Variants in MLLT3 observed in about 807,000 individuals in gnomAD.
MLLT3 encodes MLLT3 super elongation complex subunit.
A neutral mutation model predicts 53.2 loss-of-function variants in MLLT3; 4 were observed. The observed-to-expected ratio is 0.08, with a 90% CI of 0.04 to 0.17. MLLT3 has a LOEUF of 0.17. MLLT3 is among the 10% of genes least tolerant of loss of function. The probability of loss-of-function intolerance (pLI) is 1.00; values close to 1 mark genes in which losing one functional copy is unlikely to be tolerated. For missense variants in MLLT3, 569 were observed against 684.0 expected (o/e 0.83, Z 1.87); for synonymous variants, 283 against 230.6 (o/e 1.23, Z -2.06).
intron 2 of MLLT3, among the ~76,000 whole-genome samples, chr9:20,575,984 G>A (rs140057258): frequency 1.7e-4 from 26 of 152,260 alleles, no homozygotes; most frequent in East Asian, 1.5e-3. Context: ...ATCGAAGGCC[G>A]TTTCACCTAC....
intron 2 of MLLT3, among the ~76,000 whole-genome samples, chr9:20,486,303 C>T (rs1461587994): frequency 2.0e-5 from 3 of 151,906 alleles, no homozygotes; most frequent in African/African-American, 7.3e-5. Context: ...CAAAGGGCCC[C>T]ATTTATAAAA....
chr9:20,507,647 C>A (rs1825414809), intron 2 of MLLT3, among the ~76,000 whole-genome samples: 1 of 147,732 alleles, frequency 6.8e-6, no homozygotes, highest in Non-Finnish European at 1.5e-5. Flanking sequence ...CCCATGCATG[C>A]AAGAATTTGC....
intron 3 of MLLT3, among the ~76,000 whole-genome samples, chr9:20,455,125 T>C (rs1823927145): frequency 6.6e-6 from 1 of 152,254 alleles, no homozygotes; most frequent in African/African-American, 2.4e-5. Context: ...CACTTCAATA[T>C]GAAAGTATAT....
Position 20,403,042 on chromosome 9 carries a change from T to C in MLLT3, c.1125+10679A>G, listed in dbSNP as rs1318669970. ...AGAGTTTGGGAAAGTGAGTGAAGGATGTGCGAATCACTGCAAACTGGAAAT... is the reference window on the plus strand; with the variant it reads ...AGAGTTTGGGAAAGTGAGTGAAGGACGTGCGAATCACTGCAAACTGGAAAT... On this transcript the variant is annotated intron_variant, in intron 5 of 10. Coordinates refer to ENST00000380338, the MANE Select transcript of MLLT3 (RefSeq NM_004529.4). Among the ~76,000 whole-genome samples, 5 of 151,964 alleles carry C rather than the reference T, an allele frequency of 3.3e-5. 1 individual carries two copies. The highest frequency in any genetic ancestry group is 1.2e-4 in the African/African-American group (5 of 41,340).
intron 4 of MLLT3, among the ~76,000 whole-genome samples, chr9:20,424,241 G>T (rs944817365): frequency 1.3e-5 from 2 of 152,068 alleles, no homozygotes; most frequent in African/African-American, 4.8e-5. Flanking sequence ...TTTCAAGTGG[G>T]TTAAACTTTG....
intron 2 of MLLT3, among the ~76,000 whole-genome samples, chr9:20,468,383 T>C (rs1824288808): frequency 6.6e-6 from 1 of 152,172 alleles, no homozygotes; most frequent in Admixed American, 6.5e-5. Flanking sequence ...CACTTGGAGT[T>C]CTTTTAGCTC....
In MLLT3 at chr9:20,413,868, C is replaced by T. The variant is rs1586930962; in HGVS notation, c.978G>A (p.Gln326=). The T allele has an allele frequency of 6.2e-7, 1 of 1,614,050 alleles. No individual in the cohort carries two copies. The highest frequency in any genetic ancestry group is 1.1e-5 in the South Asian group (1 of 91,084). The change falls in exon 5 of 11, where the codon CAG becomes CAA. Residue 326 remains glutamine, a synonymous_variant. Coordinates refer to ENST00000380338, the MANE Select transcript of MLLT3 (RefSeq NM_004529.4). ...TCTTGACATGAGATTTATCTTTTAT[C>T]TGTTTTTTGTCAGCAGAACAAGTGA... is the stretch of plus-strand genomic sequence containing the variant. ...LILTCSADKK[Q]IKDKSHVKMG...
At chr9:20,438,915 G>T (rs1054752303) in intron 4 of MLLT3, among the ~76,000 whole-genome samples, 4 of 152,000 alleles carry the variant, frequency 2.6e-5, no homozygotes, top group African/African-American at 9.7e-5. Context: ...CATGAATAGG[G>T]ATCCTTATCT....
At chr9:20,552,034 T>C (rs1261590798) in intron 2 of MLLT3, among the ~76,000 whole-genome samples, 1 of 152,226 alleles carries the variant, frequency 6.6e-6, no homozygotes, top group African/African-American at 2.4e-5. Context: ...GATCCCTTTA[T>C]GACTGTAAAG....
intron 2 of MLLT3, among the ~76,000 whole-genome samples, chr9:20,490,384 G>A (rs1300499555): frequency 6.6e-6 from 1 of 152,236 alleles, no homozygotes; most frequent in African/African-American, 2.4e-5. Flanking sequence ...ATTCTAGCAT[G>A]AGAAGAATTT....
chr9:20,535,885 A>G (rs1818471433), intron 2 of MLLT3, among the ~76,000 whole-genome samples: 1 of 152,214 alleles, frequency 6.6e-6, no homozygotes, highest in Non-Finnish European at 1.5e-5. Context: ...CAATGCATAA[A>G]TTAGACCCAA....
chr9:20,425,951 C>T (rs953757630), intron 4 of MLLT3, among the ~76,000 whole-genome samples: 2 of 151,662 alleles, frequency 1.3e-5, no homozygotes, highest in Non-Finnish European at 2.9e-5. Context: ...TACTGATTGG[C>T]AAAAATATTT....
At chr9:20,373,731 T>C (rs1038205946) in intron 5 of MLLT3, among the ~76,000 whole-genome samples, 1 of 152,178 alleles carries the variant, frequency 6.6e-6, no homozygotes, top group African/African-American at 2.4e-5. Flanking sequence ...ATGTAACTTT[T>C]CATAAAATGT....
intron 2 of MLLT3, among the ~76,000 whole-genome samples, chr9:20,509,964 A>AT (rs1825487915): frequency 6.6e-6 from 1 of 152,140 alleles, no homozygotes; most frequent in Non-Finnish European, 1.5e-5. Context: ...AAAGATGAGA[A>AT]TATCAACATT....
At chr9:20,549,468 G>A (rs951991504) in intron 2 of MLLT3, among the ~76,000 whole-genome samples, 7 of 120,558 alleles carry the variant, frequency 5.8e-5, no homozygotes, top group African/African-American at 1.4e-4. Context: ...CATTTACTCC[G>A]TGCCAGGAAC....
chr9:20,504,839 T>C (rs557282042), intron 2 of MLLT3, among the ~76,000 whole-genome samples: 2 of 152,274 alleles, frequency 1.3e-5, no homozygotes, highest in East Asian at 3.9e-4. Context: ...TGTTATACAC[T>C]ATAAATATGT....
At chr9:20,607,130 G>T (rs1467248639) in intron 2 of MLLT3, among the ~76,000 whole-genome samples, 2 of 151,824 alleles carry the variant, frequency 1.3e-5, no homozygotes, top group African/African-American at 4.8e-5. Flanking sequence ...ATTTAATTTG[G>T]TGCCAATTTG....
chr9:20,347,152 G>C (rs1040620552), intron 10 of MLLT3, among the ~76,000 whole-genome samples: 1 of 151,802 alleles, frequency 6.6e-6, no homozygotes. Flanking sequence ...TGACCAGAGG[G>C]GGCTCAAGGG....
At chr9:20,612,283 C>A (rs1820722002) in intron 2 of MLLT3, among the ~76,000 whole-genome samples, 1 of 152,122 alleles carries the variant, frequency 6.6e-6, no homozygotes, top group South Asian at 2.1e-4. Context: ...GATGAAGAAT[C>A]TCAAGTGTCC....
Sources: allele counts gnomAD v4.1 joint callset (sites outside exome capture counted in the v4.1 genomes callset), GRCh38; gene constraint gnomAD v4.1.1; transcripts MANE v1.5; gene names NCBI Gene and HGNC (gene_info 2026-07-23, HGNC 2026-07-21).